PAFAH1B1: variants seen among roughly 807,000 people sequenced by gnomAD.
PAFAH1B1 encodes the protein platelet activating factor acetylhydrolase 1b regulatory subunit 1.
A neutral mutation model predicts 57.5 loss-of-function variants in PAFAH1B1; 2 were observed. The ratio of observed to expected loss-of-function variants is 0.03; its 90% CI spans 0.01 to 0.11. The LOEUF (loss-of-function observed/expected upper bound fraction) is 0.11. PAFAH1B1 is among the 10% of genes least tolerant of loss of function. PAFAH1B1 has a pLI of 1.00. For synonymous variants in PAFAH1B1, 152 were observed against 169.6 expected (o/e 0.90, Z 0.81); for missense variants, 257 against 512.0 (o/e 0.50, Z 4.81).
At chr17:2,640,280 A>G (rs565393673) in intron 2 of PAFAH1B1, 1 of 150,776 alleles carries the variant, frequency 6.6e-6, no homozygotes, top group South Asian at 2.1e-4. Context: ...GCACTTTGTT[A>G]CTCTCGTACA....
At chr17:2,600,568 CAAA>C (rs559407199) in intron 1 of PAFAH1B1, among the ~76,000 whole-genome samples, 2 of 77,662 alleles carry the variant, frequency 2.6e-5, no homozygotes, top group African/African-American at 4.6e-5. Context: ...GAAACTATCT[CAAA>C]AAAAAAAAAA....
chr17:2,662,873 G>T (rs2151656398), intron 2 of PAFAH1B1, among the ~76,000 whole-genome samples: 1 of 152,248 alleles, frequency 6.6e-6, no homozygotes, highest in African/African-American at 2.4e-5. Flanking sequence ...CACTTTGGGA[G>T]GCCAAGGTGG....
intron 5 of PAFAH1B1, among the ~76,000 whole-genome samples, chr17:2,668,647 C>G: frequency 6.6e-6 from 1 of 151,966 alleles, no homozygotes; most frequent in Non-Finnish European, 1.5e-5. Flanking sequence ...CCAGTGTACT[C>G]CAGCCTGGGC....
rs1244505378 is a variant in PAFAH1B1 at position 2,621,605 on chromosome 17, GTCTTTTTTTTTTTTT to G, written c.-190-16492_-190-16478del. On this transcript the variant is annotated intron_variant, in intron 1 of 10. Transcript: ENST00000397195. ...GCTATTCAAGCATGGTAGATAATCT[GTCTTTTTTTTTTTTT>G]TTTTTTTTTTTTTTTTTTTTTTTGA... Among the ~76,000 whole-genome samples the G allele has an allele frequency of 5.4e-4, 50 of 93,194 alleles. 2 individuals carry two copies. Among genetic ancestry groups the G allele is most frequent in the South Asian group, 4.9e-3 (14 of 2,870 alleles). 61.1% of individuals were successfully genotyped at this position (93,194 alleles called of 152,430 possible).
intron 1 of PAFAH1B1, 139 bp downstream of exon 1, chr17:2,594,145 C>G (rs2068056568): frequency 2.5e-6 from 1 of 395,158 alleles, no homozygotes; most frequent in South Asian, 1.4e-4. Flanking sequence ...CCTCCGCCGC[C>G]GCCTCCTCCT....
chr17:2,614,030 T>TTTTG (rs2068305545), intron 1 of PAFAH1B1: 2 of 143,932 alleles, frequency 1.4e-5, no homozygotes, highest in African/African-American at 5.4e-5. Context: ...GGTTTTTTTT[T>TTTTG]TTTTTTTTTT....
intron 1 of PAFAH1B1, among the ~76,000 whole-genome samples, chr17:2,613,011 T>C (rs1177910709): frequency 6.7e-6 from 1 of 149,374 alleles, no homozygotes; most frequent in African/African-American, 2.5e-5. Context: ...AAAATAATTT[T>C]ATAAAATCCA....
chr17:2,658,614 T>C (rs965413176), intron 2 of PAFAH1B1, among the ~76,000 whole-genome samples: 10 of 152,228 alleles, frequency 6.6e-5, no homozygotes, highest in African/African-American at 1.9e-4. Context: ...GCTAGTATAC[T>C]GGGTACAGGG....
chr17:2,654,510 A>T (rs1016870902), intron 2 of PAFAH1B1, among the ~76,000 whole-genome samples: 11 of 152,124 alleles, frequency 7.2e-5, no homozygotes, highest in Admixed American at 6.5e-5. Flanking sequence ...TAATGATGGA[A>T]TCTATAATCA....
At chr17:2,624,912 A>G (rs1333365363) in intron 1 of PAFAH1B1, among the ~76,000 whole-genome samples, 1 of 152,168 alleles carries the variant, frequency 6.6e-6, no homozygotes, top group African/African-American at 2.4e-5. Context: ...TAATTGATGA[A>G]TTACCGGATA....
chr17:2,623,605 C>G (rs541949163), intron 1 of PAFAH1B1, among the ~76,000 whole-genome samples: 2 of 148,830 alleles, frequency 1.3e-5, no homozygotes, highest in African/African-American at 5.0e-5. Context: ...TGCAAATTTT[C>G]TAAACTTTCA....
Position 2,593,989 on chromosome 17 carries a change from C to T in PAFAH1B1, c.-208C>T. The T allele has an allele frequency of 2.5e-6, 1 of 394,284 alleles. No homozygotes were observed. The highest frequency in any genetic ancestry group is 4.5e-6 in the Non-Finnish European group (1 of 223,858). 24.4% of individuals were successfully genotyped at this position (394,284 alleles called of 1,614,324 possible). On this transcript the variant is annotated 5_prime_UTR_variant, in exon 1 of 11. Coordinates refer to ENST00000397195, the MANE Select transcript of PAFAH1B1 (RefSeq NM_000430.4). ...AAGGACGGAAGAGGCCCTGCGGAGG[C>T]GGCGGTGCAGCGCTCCGGTAAGGCG...
intron 1 of PAFAH1B1, among the ~76,000 whole-genome samples, chr17:2,636,467 T>G (rs895192650): frequency 6.6e-6 from 1 of 152,048 alleles, no homozygotes; most frequent in Non-Finnish European, 1.5e-5. Flanking sequence ...GTTTGTTTGT[T>G]TTTGAGACGG....
At chr17:2,657,883 T>A (rs2068958714) in intron 2 of PAFAH1B1, among the ~76,000 whole-genome samples, 1 of 152,220 alleles carries the variant, frequency 6.6e-6, no homozygotes, top group Admixed American at 6.5e-5. Flanking sequence ...TCTTTCCTTT[T>A]TTCTTTACAT....
At chr17:2,614,957 T>G (rs886452971) in intron 1 of PAFAH1B1, among the ~76,000 whole-genome samples, 2 of 152,186 alleles carry the variant, frequency 1.3e-5, no homozygotes, top group African/African-American at 4.8e-5. Flanking sequence ...TCAATGTTTG[T>G]CCTCACATTC....
intron 9 of PAFAH1B1, chr17:2,679,766 T>G: frequency 4.1e-6 from 1 of 244,788 alleles, no homozygotes; most frequent in South Asian, 5.1e-5. Context: ...TGAAATCATT[T>G]GAGCGTTCTT....
chr17:2,632,016 G>A (rs893668012), intron 1 of PAFAH1B1, among the ~76,000 whole-genome samples: 38 of 152,166 alleles, frequency 2.5e-4, no homozygotes, highest in Non-Finnish European at 5.3e-4. Flanking sequence ...CTTGTTTCAT[G>A]TATCTCTCTT....
chr17:2,625,780 A>T (rs1223137778), intron 1 of PAFAH1B1, among the ~76,000 whole-genome samples: 1 of 152,026 alleles, frequency 6.6e-6, no homozygotes. Context: ...TGGGGGTAAA[A>T]AGAAAAAATT....
chr17:2,600,754 G>T (rs1281593652), intron 1 of PAFAH1B1, among the ~76,000 whole-genome samples: 2 of 151,938 alleles, frequency 1.3e-5, no homozygotes, highest in Non-Finnish European at 2.9e-5. Flanking sequence ...TTTTGAGACG[G>T]ACTCTCGCTG....
Sources: allele counts gnomAD v4.1 joint callset (sites outside exome capture counted in the v4.1 genomes callset), GRCh38; gene constraint gnomAD v4.1.1; transcripts MANE v1.5; gene names NCBI Gene and HGNC (gene_info 2026-07-23, HGNC 2026-07-21).